The following CAMK1D variants were observed in gnomAD, a reference collection of about 807,000 sequenced individuals.
The protein encoded by CAMK1D is calcium/calmodulin-dependent protein kinase type 1D.
CAMK1D carries 9 observed loss-of-function variants against 47.7 expected under a neutral mutation model. That is an observed-to-expected ratio of 0.19 (90% CI 0.11 to 0.33). The LOEUF is 0.33. CAMK1D is among the 10% of genes least tolerant of loss of function. The pLI, the probability that CAMK1D is intolerant of heterozygous loss-of-function variation, is 1.00. For synonymous variants in CAMK1D, 184 were observed against 184.9 expected (o/e 0.99, Z 0.04); for missense variants, 291 against 488.7 (o/e 0.60, Z 3.81).
chr10:12,634,086 T>C (rs985116857), intron 2 of CAMK1D, among the ~76,000 whole-genome samples: 6 of 152,150 alleles, frequency 3.9e-5, no homozygotes, highest in Non-Finnish European at 7.4e-5. Flanking sequence ...GGCATGCTGG[T>C]GAGATTCAGG....
intron 2 of CAMK1D, among the ~76,000 whole-genome samples, chr10:12,636,804 C>T (rs1839524254): frequency 6.6e-6 from 1 of 152,132 alleles, no homozygotes; most frequent in Non-Finnish European, 1.5e-5. Context: ...TGGCATCTTG[C>T]CTTCTGTCAG....
chr10:12,823,043 C>T (rs1440574353), intron 8 of CAMK1D, among the ~76,000 whole-genome samples: 1 of 152,162 alleles, frequency 6.6e-6, no homozygotes, highest in Non-Finnish European at 1.5e-5. Context: ...CTTAGGCCAG[C>T]CTGGCCCCAA....
rs561381127 is a variant in CAMK1D at position 12,787,685 on chromosome 10, G to A, written c.566-3473G>A. ...TTTGGGCTTCTTTCTTTACCCCCGC[G>A]TTTGTTTCCAAGCACAATTAAGAAG... On this transcript the variant is annotated intron_variant, in intron 5 of 10. Coordinates refer to ENST00000619168, the MANE Select transcript of CAMK1D (RefSeq NM_153498.4). 1.2e-4 allele frequency among the ~76,000 whole-genome samples: 18 copies of A among 152,270 alleles called. No homozygotes were observed. In the East Asian group the frequency reaches 1.5e-3, roughly 13 times the overall value.
rs374688873 is a variant in CAMK1D at position 12,741,828 on chromosome 10, C to G, written c.300-19120C>G. On this transcript the variant is annotated intron_variant, in intron 3 of 10. Transcript: ENST00000619168. ...CCATCCCAGAACTTTGGAACTGAGA[C>G]GGCCCTGCAGGGATTTCTCCTGCTT... Among the ~76,000 whole-genome samples the G allele has an allele frequency of 8.9e-4, 135 of 152,268 alleles. 1 individual carries two copies. The highest frequency in any genetic ancestry group is 3.4e-3 in the Middle Eastern group (1 of 294).
chr10:12,620,304 C>G (rs1260901611), intron 2 of CAMK1D, among the ~76,000 whole-genome samples: 3 of 150,438 alleles, frequency 2.0e-5, no homozygotes, highest in Non-Finnish European at 4.4e-5. Context: ...AGTTCAATTG[C>G]TAGGTTGCAT....
chr10:12,362,990 G>C (rs1015211394), intron 1 of CAMK1D, among the ~76,000 whole-genome samples: 24 of 140,952 alleles, frequency 1.7e-4, no homozygotes, highest in Non-Finnish European at 3.5e-4. Context: ...ATGGAGGCTA[G>C]AGTGCAGTGG....
In CAMK1D at chr10:12,520,427, C is replaced by T. The variant is rs1425105551; in HGVS notation, c.93-32798C>T. 1.2e-4 allele frequency among the ~76,000 whole-genome samples: 10 copies of T among 80,196 alleles called. 2 individuals carry two copies. The highest frequency in any genetic ancestry group is 2.4e-4 in the African/African-American group (5 of 20,524). 52.6% of individuals were successfully genotyped at this position (80,196 alleles called of 152,430 possible). A position where few individuals can be genotyped will look rare whatever the true frequency, so the allele number is the denominator to read the frequency against. On this transcript the variant is annotated intron_variant, in intron 1 of 10. Coordinates refer to ENST00000619168, the MANE Select transcript of CAMK1D (RefSeq NM_153498.4). ...AGATGGGATGGCGGCTGGGCAGAGA[C>T]GCTCCTCACTTTCCAGACTGGGCAG...
chr10:12,502,565 G>C (rs1834738251), intron 1 of CAMK1D, among the ~76,000 whole-genome samples: 1 of 152,192 alleles, frequency 6.6e-6, no homozygotes, highest in Non-Finnish European at 1.5e-5. Context: ...CCATACAGAG[G>C]AGGGGACACA....
chr10:12,448,684 C>T (rs1181095835), intron 1 of CAMK1D, among the ~76,000 whole-genome samples: 2 of 152,204 alleles, frequency 1.3e-5, no homozygotes, highest in African/African-American at 2.4e-5. Context: ...TTGTTTTAGC[C>T]TCTGTGGCAG....
chr10:12,572,354 G>A (rs1484761626), intron 2 of CAMK1D, among the ~76,000 whole-genome samples: 3 of 152,210 alleles, frequency 2.0e-5, no homozygotes, highest in Non-Finnish European at 4.4e-5. Context: ...CACCATGTAA[G>A]ACGTGCCTTG....
chr10:12,401,972 T>C (rs1470979426), intron 1 of CAMK1D, among the ~76,000 whole-genome samples: 1 of 151,880 alleles, frequency 6.6e-6, no homozygotes, highest in African/African-American at 2.4e-5. Context: ...CTCCGCTCAT[T>C]GCAACCTCCG....
At chr10:12,644,745 C>A (rs1839767902) in intron 2 of CAMK1D, among the ~76,000 whole-genome samples, 1 of 152,154 alleles carries the variant, frequency 6.6e-6, no homozygotes, top group Non-Finnish European at 1.5e-5. Context: ...AGCTGTGATT[C>A]CTATCTTAAC....
chr10:12,822,754 G>T (rs550724049), intron 8 of CAMK1D, among the ~76,000 whole-genome samples: 34 of 152,324 alleles, frequency 2.2e-4, no homozygotes, highest in African/African-American at 7.5e-4. Flanking sequence ...ACTCCCTTGG[G>T]CTCTCCGGGG....
chr10:12,493,719 C>T (rs1408739628), intron 1 of CAMK1D, among the ~76,000 whole-genome samples: 1 of 152,142 alleles, frequency 6.6e-6, no homozygotes, highest in Non-Finnish European at 1.5e-5. Flanking sequence ...GTCTCGAACT[C>T]CTGACCTCTG....
intron 2 of CAMK1D, among the ~76,000 whole-genome samples, chr10:12,580,864 C>T (rs925928328): frequency 6.6e-6 from 1 of 152,202 alleles, no homozygotes; most frequent in South Asian, 2.1e-4. Context: ...GAATGGCCAG[C>T]ATTCTGTGGG....
intron 3 of CAMK1D, among the ~76,000 whole-genome samples, chr10:12,685,965 C>T (rs1832644422): frequency 1.3e-5 from 2 of 152,172 alleles, no homozygotes; most frequent in African/African-American, 2.4e-5. Context: ...TACAGCTGCC[C>T]CCTCTGCTAT....
chr10:12,663,492 T>A (rs1240277059), intron 2 of CAMK1D, among the ~76,000 whole-genome samples: 1 of 152,070 alleles, frequency 6.6e-6, no homozygotes. Flanking sequence ...TCTCTGTTGG[T>A]CCTAGGAGTC....
Position 12,349,814 on chromosome 10 carries a change from C to A in CAMK1D, c.-5C>A, listed in dbSNP as rs1403547038. 1 of 1,436,446 alleles carries A rather than the reference C, an allele frequency of 7.0e-7. No individual in the cohort carries two copies. The highest frequency in any genetic ancestry group is 9.3e-7 in the Non-Finnish European group (1 of 1,077,924). 89.0% of individuals were successfully genotyped at this position (1,436,446 alleles called of 1,614,324 possible). A position where few individuals can be genotyped will look rare whatever the true frequency, so the allele number is the denominator to read the frequency against. The stretch of plus-strand genomic sequence containing the variant: ...GGCCGCTCCTCCGCGCCGCGCTCGT[C>A]GGCCATGGCCCGGGAGAACGGCGAG... On this transcript the variant is annotated 5_prime_UTR_variant, in exon 1 of 11. Coordinates refer to ENST00000619168, the MANE Select transcript of CAMK1D (RefSeq NM_153498.4).
At chr10:12,427,700 G>GTTTTTTTTCTTTTTTTTTTTTT (rs1840285327) in intron 1 of CAMK1D, among the ~76,000 whole-genome samples, 1 of 31,030 alleles carries the variant, frequency 3.2e-5, no homozygotes, top group African/African-American at 1.1e-4. Context: ...TGAACTTACT[G>GTTTTTTTTCTTTTTTTTTTTTT]TTTTTTTTTT....
Sources: gnomAD v4.1 joint callset for allele counts (sites outside exome capture counted in the v4.1 genomes callset) on GRCh38, gnomAD v4.1.1 for gene constraint, MANE v1.5 for transcripts, NCBI Gene and HGNC (gene_info 2026-07-23, HGNC 2026-07-21) for gene names.